Variants in ARHGAP21 observed in about 807,000 individuals in gnomAD.
The protein encoded by ARHGAP21 is Rho GTPase activating protein 21.
ARHGAP21 carries 38 observed loss-of-function variants against 164.6 expected under a neutral mutation model. The observed-to-expected ratio is 0.23, with a 90% CI of 0.18 to 0.30. The LOEUF (loss-of-function observed/expected upper bound fraction) is 0.30. ARHGAP21 is among the 10% of genes least tolerant of loss of function. The probability of loss-of-function intolerance (pLI) is 1.00; values close to 1 mark genes in which losing one functional copy is unlikely to be tolerated. For synonymous variants in ARHGAP21, 766 were observed against 857.9 expected (o/e 0.89, Z 1.87); for missense variants, 1,822 against 2,370.7 (o/e 0.77, Z 4.81).
At chr10:24,626,682 T>C (rs1835173714) in intron 7 of ARHGAP21, among the ~76,000 whole-genome samples, 1 of 152,162 alleles carries the variant, frequency 6.6e-6, no homozygotes, top group Admixed American at 6.5e-5. Flanking sequence ...CAGACTGGTG[T>C]GGCTATTTCA....
At chr10:24,653,050 CT>C (rs758372636) in intron 4 of ARHGAP21, among the ~76,000 whole-genome samples, 2 of 152,254 alleles carry the variant, frequency 1.3e-5, no homozygotes, top group Non-Finnish European at 2.9e-5. Flanking sequence ...TGTACATATT[CT>C]TTTTACAAAC....
chr10:24,721,752 C>T, intron 2 of ARHGAP21, 85 bp downstream of exon 2: 1 of 1,509,384 alleles, frequency 6.6e-7, no homozygotes, highest in East Asian at 2.4e-5. Context: ...CTAGTGAGGC[C>T]CCGTGGCCGG....
chr10:24,677,879 G>A (rs371761594), intron 2 of ARHGAP21, among the ~76,000 whole-genome samples: 63 of 152,224 alleles, frequency 4.1e-4, no homozygotes, highest in African/African-American at 1.2e-3. Context: ...GTAGATACAC[G>A]GATGAATAAA....
chr10:24,715,716 A>G (rs1184908999), intron 2 of ARHGAP21, among the ~76,000 whole-genome samples: 1 of 152,218 alleles, frequency 6.6e-6, no homozygotes, highest in African/African-American at 2.4e-5. Context: ...ATAAACTAAA[A>G]TAAGTATTCA....
intron 11 of ARHGAP21, among the ~76,000 whole-genome samples, 181 bp from the exon 12 acceptor site, chr10:24,604,529 C>A (rs1175385066): frequency 6.6e-6 from 1 of 152,084 alleles, no homozygotes; most frequent in Admixed American, 6.6e-5. Flanking sequence ...AAATGTTCCA[C>A]CTAATAATTA....
At chr10:24,615,164 TA>T (rs2077425068) in intron 9 of ARHGAP21, among the ~76,000 whole-genome samples, 4 of 152,178 alleles carry the variant, frequency 2.6e-5, no homozygotes, top group African/African-American at 9.7e-5. Context: ...CACTCCAGTT[TA>T]GGCAACGAAA....
At chr10:24,681,958 G>A (rs1841804225) in intron 2 of ARHGAP21, among the ~76,000 whole-genome samples, 1 of 152,034 alleles carries the variant, frequency 6.6e-6, no homozygotes, top group African/African-American at 2.4e-5. Context: ...TTGTTAAGTT[G>A]TGGCTCGTGG....
chr10:24,651,553 C>A (rs555201111), intron 4 of ARHGAP21, among the ~76,000 whole-genome samples: 9 of 152,278 alleles, frequency 5.9e-5, no homozygotes, highest in Admixed American at 5.9e-4. Context: ...GAAGGCAATC[C>A]TTGAGCAGAG....
intron 4 of ARHGAP21, among the ~76,000 whole-genome samples, chr10:24,656,229 C>A (rs1179149226): frequency 2.9e-5 from 4 of 136,112 alleles, no homozygotes; most frequent in Admixed American, 6.9e-5. Context: ...GTCATCCCCC[C>A]GCCCGGCCAG....
intron 9 of ARHGAP21, among the ~76,000 whole-genome samples, chr10:24,617,243 A>T (rs1157102345): frequency 1.3e-5 from 2 of 152,284 alleles, no homozygotes; most frequent in East Asian, 3.9e-4. Context: ...TTTTATTTCT[A>T]TACTTCATAA....
chr10:24,630,020 T>A lies in ARHGAP21; in HGVS notation c.471A>T (p.Pro157=). ...SDTTLELSVM[P]KDEDILQVLQ... ...CCACTTGGAGAATGTCTTCATCTTT[T>A]GGCATAACACTAAGTTCCAATGTTG... Residue 157 remains proline, a synonymous_variant, in exon 7 of 26, where the codon CCA becomes CCT. Coordinates refer to ENST00000396432, the MANE Select transcript of ARHGAP21 (RefSeq NM_020824.4). 1 of 1,572,632 alleles carries A rather than the reference T, an allele frequency of 6.4e-7. No homozygotes were observed. The highest frequency in any genetic ancestry group is 8.7e-7 in the Non-Finnish European group (1 of 1,155,464).
chr10:24,707,621 T>G (rs946275785), intron 2 of ARHGAP21, among the ~76,000 whole-genome samples: 1 of 152,158 alleles, frequency 6.6e-6, no homozygotes, highest in African/African-American at 2.4e-5. Flanking sequence ...CACGACCTCC[T>G]CTATTCCCTA....
chr10:24,663,996 C>CAA (rs1839946047), intron 4 of ARHGAP21, among the ~76,000 whole-genome samples: 1 of 152,182 alleles, frequency 6.6e-6, no homozygotes, highest in Non-Finnish European at 1.5e-5. Context: ...TCATCCCCAG[C>CAA]TGAGAAGCGC....
rs117657741 is a variant in ARHGAP21 at position 24,665,984 on chromosome 10, A to C, written c.268+1001T>G. On this transcript the variant is annotated intron_variant, in intron 4 of 25. Coordinates refer to ENST00000396432, the MANE Select transcript of ARHGAP21 (RefSeq NM_020824.4). ...TACATAGTAGTATTGTACCAATGCTAATTGCTTAGTATTGTTGATTGTACC... is the reference window on the plus strand; with the variant it reads ...TACATAGTAGTATTGTACCAATGCTCATTGCTTAGTATTGTTGATTGTACC... Among the ~76,000 whole-genome samples the C allele has an allele frequency of 5.9e-3, 904 of 152,314 alleles. 3 individuals carry two copies. Among genetic ancestry groups the C allele is most frequent in the Non-Finnish European group, 8.6e-3 (588 of 68,014 alleles).
intron 2 of ARHGAP21, among the ~76,000 whole-genome samples, chr10:24,699,621 G>A (rs540349197): frequency 3.3e-5 from 5 of 152,148 alleles, no homozygotes; most frequent in South Asian, 2.1e-4. Context: ...CACCGTGCCC[G>A]GCCTAGAATT....
intron 7 of ARHGAP21, chr10:24,629,741 A>G: frequency 2.0e-6 from 1 of 499,128 alleles, no homozygotes; most frequent in Non-Finnish European, 3.8e-6. Context: ...CAAACTCTTT[A>G]GGAATCTCAT....
intron 2 of ARHGAP21, among the ~76,000 whole-genome samples, chr10:24,690,659 T>A (rs1379367026): frequency 1.3e-5 from 2 of 151,918 alleles, no homozygotes; most frequent in African/African-American, 4.8e-5. Flanking sequence ...TGAAACCCTG[T>A]CTCTACTAAA....
At position 24,648,683 on chromosome 10, in the gene ARHGAP21, G is replaced by A. The variant is rs1285993341; in HGVS notation, c.269-13580C>T. 6.3e-6 allele frequency: 3 copies of A among 476,562 alleles called. No individual in the cohort carries two copies. The African/African-American group carries it at 6.4e-5, about 10-fold the overall frequency. 29.5% of individuals were successfully genotyped at this position (476,562 alleles called of 1,614,324 possible). On this transcript the variant is annotated intron_variant, in intron 4 of 25. Coordinates refer to ENST00000396432, the MANE Select transcript of ARHGAP21 (RefSeq NM_020824.4). ...TAAACCCAGCTACTCGGGAGGCTGA[G>A]GCAGGAGAATTGCTTGAACCCAGAG...
chr10:24,626,716 G>A (rs1416984935), intron 7 of ARHGAP21, among the ~76,000 whole-genome samples: 2 of 152,060 alleles, frequency 1.3e-5, no homozygotes, highest in African/African-American at 4.8e-5. Flanking sequence ...AACATTTAAT[G>A]GGGAAACAAA....
Sources: allele counts gnomAD v4.1 joint callset (sites outside exome capture counted in the v4.1 genomes callset), GRCh38; gene constraint gnomAD v4.1.1; transcripts MANE v1.5; gene names NCBI Gene and HGNC (gene_info 2026-07-23, HGNC 2026-07-21).